Variants in DNAI2 observed in about 807,000 individuals in gnomAD.
DNAI2 encodes dynein, axonemal, intermediate polypeptide 2.
A neutral mutation model predicts 74.7 loss-of-function variants in DNAI2; 63 were observed. The observed-to-expected ratio is 0.84, with a 90% CI of 0.69 to 1.04. The LOEUF is 1.04. Ranked by LOEUF, DNAI2 falls within the 50% of genes least tolerant of loss-of-function variation. DNAI2 has a pLI of 0.00. For missense variants in DNAI2, 688 were observed against 803.2 expected (o/e 0.86, Z 1.73); for synonymous variants, 289 against 314.9 (o/e 0.92, Z 0.87).
At chr17:74,303,852 G>A (rs1448446127) in intron 8 of DNAI2, among the ~76,000 whole-genome samples, 4 of 152,152 alleles carry the variant, frequency 2.6e-5, no homozygotes, top group Non-Finnish European at 4.4e-5. Flanking sequence ...GGGGCCAGGT[G>A]CAGTGGCTCA....
chr17:74,277,565 C>G (rs1213153313), intron 1 of DNAI2, among the ~76,000 whole-genome samples: 2 of 152,200 alleles, frequency 1.3e-5, no homozygotes, highest in Non-Finnish European at 2.9e-5. Flanking sequence ...ACCTGCTGCC[C>G]CAGCTGCTCC....
rs571300276 is a variant in DNAI2 at position 74,309,812 on chromosome 17, T to C, written c.1348-205T>C. 2.6e-5 allele frequency: 18 copies of C among 694,094 alleles called. No individual in the cohort carries two copies. The East Asian group carries it at 4.3e-4, about 17-fold the overall frequency. 43.0% of individuals were successfully genotyped at this position (694,094 alleles called of 1,614,324 possible). Reference sequence around the variant, plus strand: ...CCACAGGGTGACTGTGAGGCGGAACTGAAGGGGTGGGGCGGGAGATGAGGC... The same window carrying C: ...CCACAGGGTGACTGTGAGGCGGAACCGAAGGGGTGGGGCGGGAGATGAGGC... On this transcript the variant is annotated intron_variant, in intron 10 of 13. Transcript: ENST00000311014.
At chr17:74,303,892 G>A (rs181911729) in intron 8 of DNAI2, among the ~76,000 whole-genome samples, 28 of 152,194 alleles carry the variant, frequency 1.8e-4, no homozygotes, top group East Asian at 7.7e-4. Context: ...TTGGGAAGCC[G>A]ATGTGTGCAG....
intron 6 of DNAI2, among the ~76,000 whole-genome samples, chr17:74,293,929 GC>G (rs2052277664): frequency 6.6e-6 from 1 of 151,528 alleles, no homozygotes; most frequent in Non-Finnish European, 1.5e-5. Context: ...GATTACAGGT[GC>G]ATGCCACCAC....
chr17:74,289,761 G>T (rs769723839), intron 5 of DNAI2, 25 bp downstream of exon 5: 22 of 1,613,436 alleles, frequency 1.4e-5, no homozygotes, highest in Non-Finnish European at 1.8e-5. Context: ...GGTCCTGGTG[G>T]CCTGGGAGGG....
chr17:74,312,296 C>T (rs1946316898), intron 12 of DNAI2, 66 bp downstream of exon 12: 1 of 573,598 alleles, frequency 1.7e-6, no homozygotes, highest in Admixed American at 2.3e-5. Flanking sequence ...TTGGGTTCTG[C>T]TTCTGCTTGC....
At chr17:74,281,710 AC>A in intron 1 of DNAI2, 96 bp from the exon 2 acceptor site, 1 of 1,261,470 alleles carries the variant, frequency 7.9e-7, no homozygotes, top group Admixed American at 1.8e-5. Flanking sequence ...TCCTGCCCCA[AC>A]CAGATTGAGA....
At chr17:74,292,420 T>TC (rs1233131525) in intron 6 of DNAI2, among the ~76,000 whole-genome samples, 1 of 146,760 alleles carries the variant, frequency 6.8e-6, no homozygotes, top group African/African-American at 2.5e-5. Context: ...TTTTTCTTTT[T>TC]TTTTTTTTTT....
chr17:74,275,187 C>A (rs1266748015), intron 1 of DNAI2, among the ~76,000 whole-genome samples: 2 of 152,180 alleles, frequency 1.3e-5, no homozygotes, highest in African/African-American at 2.4e-5. Context: ...CACAGTCTTT[C>A]CGTCAAGGAG....
At chr17:74,311,251 T>A (rs1442967294) in intron 11 of DNAI2, among the ~76,000 whole-genome samples, 1 of 152,112 alleles carries the variant, frequency 6.6e-6, no homozygotes, top group East Asian at 1.9e-4. Flanking sequence ...CATTCCTACA[T>A]CCTTTCCCCA....
intron 10 of DNAI2, 107 bp from the exon 11 acceptor site, chr17:74,309,910 T>C (rs2053414548): frequency 1.4e-6 from 2 of 1,455,494 alleles, no homozygotes; most frequent in African/African-American, 1.4e-5. Context: ...GTCCTGAGGA[T>C]GTTTGAATAG....
intron 7 of DNAI2, 44 bp from the exon 8 acceptor site, chr17:74,301,002 A>G: frequency 6.2e-7 from 1 of 1,611,104 alleles, no homozygotes; most frequent in South Asian, 1.1e-5. Context: ...AGCCAGGGGA[A>G]ATACAGGGCC....
rs2053423299 is a variant in DNAI2, at chr17:74,310,032, C to T, written c.1363C>T (p.Leu455Phe). The stretch of plus-strand genomic sequence containing the variant: ...CCTTCAATAGGTGTGTGACGAGGCC[C>T]TCTTCTGCCTCCGGGTGCAGGACAA... The part of the protein sequence containing the change: ...TLSLKVCDEA[L>F]FCLRVQDNGC... The change falls in exon 11 of 14, where the codon CTC becomes TTC. Residue 455 changes from leucine to phenylalanine, a missense_variant. Coordinates refer to ENST00000311014, the MANE Select transcript of DNAI2 (RefSeq NM_023036.6). 2.5e-6 allele frequency: 4 copies of T among 1,613,926 alleles called. No individual in the cohort carries two copies. The highest frequency in any genetic ancestry group is 3.4e-6 in the Non-Finnish European group (4 of 1,180,040).
intron 1 of DNAI2, among the ~76,000 whole-genome samples, chr17:74,274,606 A>T (rs1056190206): frequency 6.6e-6 from 1 of 151,598 alleles, no homozygotes; most frequent in Non-Finnish European, 1.5e-5. Flanking sequence ...CCTCCTACCC[A>T]CTCAGGTCCT....
At chr17:74,298,060 T>A (rs1206997961) in intron 6 of DNAI2, among the ~76,000 whole-genome samples, 1 of 152,204 alleles carries the variant, frequency 6.6e-6, no homozygotes, top group Admixed American at 6.5e-5. Context: ...CCAAACTATC[T>A]GGGTGCCAGA....
At position 74,300,324 on chromosome 17, in the gene DNAI2, C is replaced by A. The variant is rs542566143; in HGVS notation, c.864+467C>A. Among the ~76,000 whole-genome samples the A allele has an allele frequency of 3.3e-5, 5 of 152,260 alleles. No homozygotes were observed. Among genetic ancestry groups the A allele is most frequent in the African/African-American group, 1.2e-4 (5 of 41,558 alleles). ...TCTAAAGGGTGCAAAAAAGAAAATGCCTTCCTCTCACCTCTGCCTGCACCT... is the reference window on the plus strand; with the variant it reads ...TCTAAAGGGTGCAAAAAAGAAAATGACTTCCTCTCACCTCTGCCTGCACCT... On this transcript the variant is annotated intron_variant, in intron 7 of 13. Coordinates refer to ENST00000311014, the MANE Select transcript of DNAI2 (RefSeq NM_023036.6). The surrounding 1 kb of genome is among the most constrained non-coding windows in gnomAD (Gnocchi z 4.5).
intron 8 of DNAI2, among the ~76,000 whole-genome samples, chr17:74,302,705 G>A (rs2052931776): frequency 6.6e-6 from 1 of 152,244 alleles, no homozygotes. Context: ...CCTTGTTGTT[G>A]GCTTTTGGTT....
intron 4 of DNAI2, among the ~76,000 whole-genome samples, chr17:74,287,903 C>A (rs1012100747): frequency 6.7e-6 from 1 of 150,256 alleles, no homozygotes; most frequent in African/African-American, 2.5e-5. Context: ...TGCAGTGAGC[C>A]GAGATCGCAC....
chr17:74,299,802 T>C lies in DNAI2; in HGVS notation c.809T>C (p.Ile270Thr). 6.2e-7 allele frequency: 1 copy of C among 1,612,912 alleles called. No individual in the cohort carries two copies. Among genetic ancestry groups the C allele is most frequent in the Non-Finnish European group, 8.5e-7 (1 of 1,179,894 alleles). Reference protein sequence around the residue: ...SSHRDPVYGTIWLQSKTGTEC... With the variant: ...SSHRDPVYGTTWLQSKTGTEC... ...CACCGAGACCCTGTGTATGGCACCA[T>C]CTGGCTGCAGTCGAAGACGGGCACC... Residue 270 changes from isoleucine to threonine, a missense_variant, in exon 7 of 14, where the codon ATC becomes ACC. By Grantham distance (89) the Ile-to-Thr change is moderately conservative (BLOSUM62 -1). Transcript: ENST00000311014.
Sources: gnomAD v4.1 joint callset for allele counts (sites outside exome capture counted in the v4.1 genomes callset) on GRCh38, gnomAD v4.1.1 for gene constraint, Gnocchi (gnomAD v3.1) non-coding constraint, MANE v1.5 for transcripts, NCBI Gene and HGNC (gene_info 2026-07-23, HGNC 2026-07-21) for gene names.